GCNA: variants seen among roughly 807,000 people sequenced by gnomAD.
GCNA encodes the protein germ cell nuclear acidic protein.
GCNA carries 3 observed loss-of-function variants against 38.8 expected under a neutral mutation model. The ratio of observed to expected loss-of-function variants is 0.08; its 90% CI spans 0.04 to 0.20. The LOEUF (loss-of-function observed/expected upper bound fraction) is 0.20, where lower values mean the gene tolerates loss of function less well. GCNA is among the 10% of genes least tolerant of loss of function. GCNA has a pLI of 1.00. For missense variants in GCNA, 446 were observed against 578.6 expected (o/e 0.77, Z 2.35); for synonymous variants, 195 against 240.2 (o/e 0.81, Z 1.74).
intron 7 of GCNA, among the ~76,000 whole-genome samples, chrX:71,601,289 C>T (rs1223211737): frequency 5.5e-5 from 6 of 109,299 alleles, no homozygotes; most frequent in Non-Finnish European, 7.6e-5. Context: ...TGCAGTGAGC[C>T]GAGATTGCGC....
At chrX:71,582,060 C>T (rs1269702947) in intron 2 of GCNA, among the ~76,000 whole-genome samples, 4 of 108,955 alleles carry the variant, frequency 3.7e-5, no homozygotes, top group Admixed American at 9.9e-5. Context: ...GTGGGCGGAT[C>T]GCTTGAGTCC....
At chrX:71,583,914 G>GC (rs2040565416) in intron 2 of GCNA, among the ~76,000 whole-genome samples, 1 of 108,705 alleles carries the variant, frequency 9.2e-6, no homozygotes, top group South Asian at 4.1e-4. Flanking sequence ...CACCATGTTG[G>GC]CCAGGCTGGT....
At chrX:71,600,585 T>C (rs1327833263) in intron 7 of GCNA, among the ~76,000 whole-genome samples, 1 of 111,928 alleles carries the variant, frequency 8.9e-6, no homozygotes, top group Non-Finnish European at 1.9e-5. Flanking sequence ...GATTTGAAAA[T>C]TGCCACGAGT....
intron 7 of GCNA, among the ~76,000 whole-genome samples, 175 bp downstream of exon 7, chrX:71,598,213 T>C (rs1183343507): frequency 8.9e-6 from 1 of 111,767 alleles, no homozygotes; most frequent in African/African-American, 3.3e-5. Flanking sequence ...CTATACCCCC[T>C]GGTCAATTTC....
chrX:71,609,183 T>G (rs1602185061), intron 10 of GCNA, 66 bp downstream of exon 10: 21 of 1,069,925 alleles, frequency 2.0e-5, no homozygotes, highest in South Asian at 1.2e-4. Flanking sequence ...TGCTGTGAGG[T>G]GTGCTAACCA....
intron 2 of GCNA, among the ~76,000 whole-genome samples, chrX:71,586,013 T>C (rs1234215784): frequency 1.8e-5 from 2 of 109,855 alleles, no homozygotes; most frequent in Admixed American, 2.0e-4. Context: ...TAGAAACACG[T>C]AAACAGGTAG....
intron 1 of GCNA, among the ~76,000 whole-genome samples, chrX:71,578,860 A>G (rs374413076): frequency 1.4e-3 from 118 of 86,854 alleles, no homozygotes; most frequent in African/African-American, 5.1e-3. Flanking sequence ...CATTGCAGAT[A>G]GTGGGGGGCC....
chrX:71,585,086 G>A (rs1041970242), intron 2 of GCNA, among the ~76,000 whole-genome samples: 3 of 109,590 alleles, frequency 2.7e-5, no homozygotes, highest in Non-Finnish European at 5.7e-5. Context: ...TGAGGTGGGC[G>A]GATGGCTTGA....
chrX:71,606,125 G>A (rs1005042112), intron 9 of GCNA, among the ~76,000 whole-genome samples: 5 of 112,642 alleles, frequency 4.4e-5, no homozygotes, highest in Non-Finnish European at 7.5e-5. Flanking sequence ...CCACCAGTTT[G>A]TGCTAAACCA....
At chrX:71,594,299 C>CCATA (rs2040653459) in intron 4 of GCNA, 32 bp from the exon 5 acceptor site, 1 of 1,137,599 alleles carries the variant, frequency 8.8e-7, no homozygotes, top group Non-Finnish European at 1.2e-6. Flanking sequence ...CGATAGCCCT[C>CCATA]CTTTTATAAA....
At chrX:71,598,293 G>A (rs1351294996) in intron 7 of GCNA, among the ~76,000 whole-genome samples, 1 of 111,651 alleles carries the variant, frequency 9.0e-6, no homozygotes, top group Non-Finnish European at 1.9e-5. Context: ...TACCTGCCTA[G>A]AGCTATATCA....
chrX:71,589,980 G>T (rs1418380521), intron 2 of GCNA, among the ~76,000 whole-genome samples: 1 of 104,944 alleles, frequency 9.5e-6, no homozygotes, highest in East Asian at 3.0e-4. Flanking sequence ...ATGTTGCCCA[G>T]GCTGGTCTTG....
At chrX:71,596,666 C>G (rs1235006406) in intron 6 of GCNA, among the ~76,000 whole-genome samples, 1 of 111,729 alleles carries the variant, frequency 9.0e-6, no homozygotes, top group East Asian at 2.8e-4. Context: ...GCCCACAGGT[C>G]TTGGTCCAGT....
At chrX:71,602,659 C>T (rs899625394) in intron 7 of GCNA, among the ~76,000 whole-genome samples, 5 of 111,433 alleles carry the variant, frequency 4.5e-5, no homozygotes, top group Admixed American at 9.5e-5. Flanking sequence ...GTTTGACCTC[C>T]GTATATACTC....
At position 71,605,789 on chromosome X, in the gene GCNA, G is replaced by A; in HGVS notation, c.1466+60G>A. 3.9e-6 allele frequency: 4 copies of A among 1,023,320 alleles called. No individual in the cohort carries two copies. The South Asian group carries it at 8.9e-5, about 23-fold the overall frequency. 84.3% of individuals were successfully genotyped at this position (1,023,320 alleles called of 1,213,427 possible). A position where few individuals can be genotyped will look rare whatever the true frequency, so the allele number is the denominator to read the frequency against. On this transcript the variant is annotated intron_variant, in intron 9 of 12. Coordinates refer to ENST00000373696, the MANE Select transcript of GCNA (RefSeq NM_052957.5). The stretch of plus-strand genomic sequence containing the variant: ...TATTGCACAGCCGTCACACTGGGCA[G>A]TCCACTGGGCACTTGGGTGGGGGTG...
chrX:71,608,911 T>C (rs2040788842), intron 9 of GCNA, 62 bp from the exon 10 acceptor site: 2 of 1,163,542 alleles, frequency 1.7e-6, no homozygotes, highest in African/African-American at 3.6e-5. Context: ...GACGAGACGC[T>C]TAGGTGTGCA....
At chrX:71,606,523 T>G (rs1336772664) in intron 9 of GCNA, among the ~76,000 whole-genome samples, 3 of 112,472 alleles carry the variant, frequency 2.7e-5, no homozygotes, top group Non-Finnish European at 5.6e-5. Context: ...AAGAGTAATG[T>G]ATGCTCACAT....
At chrX:71,609,328 G>A (rs1381196358) in intron 10 of GCNA, among the ~76,000 whole-genome samples, 2 of 112,127 alleles carry the variant, frequency 1.8e-5, no homozygotes, top group Non-Finnish European at 3.8e-5. Context: ...TCAGCAGAGG[G>A]AGAAATCACT....
intron 2 of GCNA, among the ~76,000 whole-genome samples, chrX:71,583,362 A>T (rs1317934273): frequency 9.0e-6 from 1 of 110,849 alleles, no homozygotes; most frequent in East Asian, 2.8e-4. Context: ...CACGCCTGTA[A>T]TCCTAGCACT....
Sources: gnomAD v4.1 joint callset for allele counts (sites outside exome capture counted in the v4.1 genomes callset) on GRCh38, gnomAD v4.1.1 for gene constraint, MANE v1.5 for transcripts, NCBI Gene and HGNC (gene_info 2026-07-23, HGNC 2026-07-21) for gene names.